The following NHSL1 variants were observed in gnomAD, a reference collection of about 807,000 sequenced individuals.
The protein encoded by NHSL1 is NHS like 1.
In NHSL1, 48 loss-of-function variants were observed where a neutral mutation model predicts 95.0. That is an observed-to-expected ratio of 0.51 (90% CI 0.40 to 0.64). NHSL1 has a LOEUF of 0.64. Ranked by LOEUF, NHSL1 falls within the 30% of genes least tolerant of loss-of-function variation. NHSL1 has a pLI of 0.00. For missense variants in NHSL1, 1,971 were observed against 2,077.7 expected (o/e 0.95, Z 1.00); for synonymous variants, 783 against 833.9 (o/e 0.94, Z 1.05).
rs78130696 is a variant in NHSL1 at position 138,469,358 on chromosome 6, G to A, written c.339+3948C>T. 8.3e-4 allele frequency among the ~76,000 whole-genome samples: 127 copies of A among 152,248 alleles called. 1 individual carries two copies. The highest frequency in any genetic ancestry group is 2.9e-3 in the African/African-American group (120 of 41,514). Reference sequence around the variant, plus strand: ...GGTAGAGAAAACATAAGGCTTATGCGTTTAATTTCCACACCAATTTCAGGA... The same window carrying A: ...GGTAGAGAAAACATAAGGCTTATGCATTTAATTTCCACACCAATTTCAGGA... On this transcript the variant is annotated intron_variant, in intron 3 of 7. Transcript: ENST00000343505.
At chr6:138,435,665 C>G (rs548321307) in intron 5 of NHSL1, among the ~76,000 whole-genome samples, 2 of 151,250 alleles carry the variant, frequency 1.3e-5, no homozygotes, top group Non-Finnish European at 2.9e-5. Flanking sequence ...TAGATGCATA[C>G]GTCGTTTTAC....
intron 1 of NHSL1, among the ~76,000 whole-genome samples, chr6:138,594,098 T>C (rs1784269148): frequency 6.6e-6 from 1 of 152,184 alleles, no homozygotes; most frequent in Non-Finnish European, 1.5e-5. Flanking sequence ...TTTCCAGGGA[T>C]GTGGTGGGGG....
intron 2 of NHSL1, among the ~76,000 whole-genome samples, chr6:138,474,428 T>A (rs1778944144): frequency 1.3e-5 from 2 of 152,032 alleles, no homozygotes; most frequent in African/African-American, 4.8e-5. Context: ...GAGACGGCAG[T>A]CACTTCAGTG....
intron 3 of NHSL1, among the ~76,000 whole-genome samples, chr6:138,452,342 A>G (rs191701381): frequency 7.2e-5 from 11 of 152,342 alleles, no homozygotes; most frequent in Admixed American, 7.2e-4. Flanking sequence ...GGGGCCTGAA[A>G]TAGGGTCTCT....
chr6:138,433,241 G>C lies in NHSL1; in HGVS notation c.1104C>G (p.Gly368=). Residue 368 remains glycine, a synonymous_variant, in exon 6 of 8, where the codon GGC becomes GGG. Coordinates refer to ENST00000343505, the MANE Select transcript of NHSL1 (RefSeq NM_001144060.2). ...CAGTCCCTGAGGCACCTCCTAAATGGCCTAAGTTTTCATCTGCTTGTGGGT... is the reference window on the plus strand; with the variant it reads ...CAGTCCCTGAGGCACCTCCTAAATGCCCTAAGTTTTCATCTGCTTGTGGGT... The part of the protein sequence containing the change: ...RGHPQADENL[G]HLGGASGTGT... 6.4e-7 allele frequency: 1 copy of C among 1,551,326 alleles called. No individual in the cohort carries two copies. The highest frequency in any genetic ancestry group is 8.7e-7 in the Non-Finnish European group (1 of 1,146,848).
chr6:138,453,998 T>C (rs1489056885), intron 3 of NHSL1, among the ~76,000 whole-genome samples: 1 of 152,016 alleles, frequency 6.6e-6, no homozygotes, highest in East Asian at 1.9e-4. Context: ...TGTAATCATA[T>C]TTTAGAATAA....
At position 138,530,985 on chromosome 6, in the gene NHSL1, T is replaced by A. The variant is rs529661610; in HGVS notation, c.16+14638A>T. ...AATAAAATTTAAAATATTTTTTTTT[T>A]AAAAAAAAGGCCACAGTTTTCTCCT... On this transcript the variant is annotated intron_variant, in intron 1 of 4. Coordinates refer to the NHSL1 transcript ENST00000342260. Among the ~76,000 whole-genome samples the A allele has an allele frequency of 4.2e-3, 633 of 150,804 alleles. 4 individuals are homozygous for A. The highest frequency in any genetic ancestry group is 8.6e-3 in the African/African-American group (351 of 40,666).
chr6:138,463,262 A>G (rs1778112700), intron 3 of NHSL1, among the ~76,000 whole-genome samples: 1 of 152,130 alleles, frequency 6.6e-6, no homozygotes, highest in East Asian at 1.9e-4. Context: ...TTAAATAATC[A>G]ATCAGATCAT....
exon 1 of NHSL1, chr6:138,572,002 G>C (rs1226001069): frequency 7.9e-6 from 8 of 1,015,074 alleles, no homozygotes; most frequent in African/African-American, 1.6e-5. Context: ...CCACGAGCCT[G>C]CTGTTTCCCT....
chr6:138,669,592 C>T (rs1257822828), intron 1 of NHSL1, among the ~76,000 whole-genome samples: 1 of 152,174 alleles, frequency 6.6e-6, no homozygotes, highest in Non-Finnish European at 1.5e-5. Context: ...CCCATCCTGG[C>T]AGGAAACTGG....
rs552318864 is a variant in NHSL1 at position 138,473,360 on chromosome 6, G to A, written c.285C>T (p.Asn95=). 8.3e-5 allele frequency: 128 copies of A among 1,548,454 alleles called. 3 individuals carry two copies. The South Asian group carries it at 1.1e-3, about 13-fold the overall frequency. The change falls in exon 3 of 8, where the codon AAC becomes AAT. Residue 95 remains asparagine, a synonymous_variant. Transcript: ENST00000343505. ...YYSQGPTFAA[N]ASPFCDDYQD... ...GGTAATCATCACAGAATGGGCTGGC[G>A]TTGGCCGCAAAGGTGGGTCCCTGAG...
In NHSL1 at chr6:138,523,264, A is replaced by G. The variant is rs138158579; in HGVS notation, c.16+22359T>C. 6.3e-3 allele frequency among the ~76,000 whole-genome samples: 953 copies of G among 152,304 alleles called. 24 individuals are homozygous for G. The highest frequency in any genetic ancestry group is 0.048 in the Admixed American group (740 of 15,292). On this transcript the variant is annotated intron_variant, in intron 1 of 4. Transcript: ENST00000342260. ...GAATGGTGGGGACAGAAGGGGAGCC[A>G]GAGAAGGCAGTGAATTAAAGAGAGT...
intron 3 of NHSL1, among the ~76,000 whole-genome samples, chr6:138,466,233 G>C (rs921525655): frequency 2.6e-5 from 4 of 151,728 alleles, no homozygotes; most frequent in Admixed American, 6.6e-5. Flanking sequence ...AGTACAGACA[G>C]GGTTTCACCA....
chr6:138,541,691 T>C (rs1583384088), intron 1 of NHSL1, among the ~76,000 whole-genome samples: 1 of 152,180 alleles, frequency 6.6e-6, no homozygotes, highest in East Asian at 1.9e-4. Flanking sequence ...TTGTTTTTTG[T>C]TTTTCCCCTT....
chr6:138,473,579 C>T (rs918307694), intron 2 of NHSL1, 146 bp from the exon 3 acceptor site: 19 of 906,590 alleles, frequency 2.1e-5, no homozygotes, highest in Non-Finnish European at 5.9e-6. Flanking sequence ...ATAAAAACAG[C>T]TAAGAATTAT....
intron 1 of NHSL1, among the ~76,000 whole-genome samples, chr6:138,673,545 C>T (rs911230273): frequency 2.2e-4 from 34 of 151,708 alleles, no homozygotes; most frequent in African/African-American, 8.2e-4. Flanking sequence ...ACAATCATTG[C>T]ACAAGTCTAA....
At chr6:138,511,977 C>G (rs9402979) in intron 1 of NHSL1, among the ~76,000 whole-genome samples, 11 of 152,052 alleles carry the variant, frequency 7.2e-5, no homozygotes, top group African/African-American at 2.7e-4. Flanking sequence ...CCAAACTTCT[C>G]GAAAATTGCA....
chr6:138,509,608 C>T (rs1474266813), intron 1 of NHSL1, among the ~76,000 whole-genome samples: 1 of 152,196 alleles, frequency 6.6e-6, no homozygotes, highest in African/African-American at 2.4e-5. Context: ...CACACTGGTG[C>T]ATGAAAATGA....
intron 4 of NHSL1, among the ~76,000 whole-genome samples, chr6:138,442,488 A>T (rs1054926662): frequency 3.3e-5 from 5 of 152,222 alleles, no homozygotes; most frequent in Admixed American, 3.3e-4. Context: ...GGTGATGGTA[A>T]TGAGTATGTT....
Sources: allele counts gnomAD v4.1 joint callset (sites outside exome capture counted in the v4.1 genomes callset), GRCh38; gene constraint gnomAD v4.1.1; transcripts MANE v1.5; gene names NCBI Gene and HGNC (gene_info 2026-07-23, HGNC 2026-07-21).